Variants in WDR17 observed in about 807,000 individuals in gnomAD.
WDR17 encodes WD repeat domain 17.
In WDR17, 143 loss-of-function variants were observed where a neutral mutation model predicts 161.7. The observed-to-expected ratio is 0.88, with a 90% CI of 0.77 to 1.02. WDR17 has a LOEUF of 1.02. WDR17 is among the 50% of genes least tolerant of loss of function. The probability of loss-of-function intolerance (pLI) is 0.00; values close to 1 mark genes in which losing one functional copy is unlikely to be tolerated. For synonymous variants in WDR17, 517 were observed against 515.6 expected (o/e 1.00, Z -0.04); for missense variants, 1,469 against 1,520.9 (o/e 0.97, Z 0.57).
chr4:176,150,423 G>A (rs1226373395), intron 15 of WDR17, 45 bp from the exon 16 acceptor site: 9 of 1,566,070 alleles, frequency 5.7e-6, no homozygotes, highest in Non-Finnish European at 6.9e-6. Context: ...ATATTATGAG[G>A]TTTTTAATTC....
Position 176,181,895 on chromosome 4 carries a change from C to T in WDR17, c.*2316C>T, listed in dbSNP as rs941947320. ...TAGCCACCCAATTTCTGTCTGAAAT[C>T]TAAATTGGATGGATTTGACCATCAT... On this transcript the variant is annotated 3_prime_UTR_variant, in exon 29 of 29. Coordinates refer to ENST00000508596, the MANE Select transcript of WDR17 (RefSeq NM_181265.4). 6.6e-6 allele frequency: 1 copy of T among 152,052 alleles called. No homozygotes were observed. Among genetic ancestry groups the T allele is most frequent in the Admixed American group, 6.6e-5 (1 of 15,262 alleles). The allele number at this position is 152,052 out of a possible 1,614,324, so 9.4% of individuals were successfully genotyped here.
intron 1 of WDR17, among the ~76,000 whole-genome samples, chr4:176,079,658 A>AT (rs2126586167): frequency 6.6e-6 from 1 of 152,168 alleles, no homozygotes; most frequent in South Asian, 2.1e-4. Flanking sequence ...GTCTTCATAC[A>AT]TTTTCTGGTG....
intron 1 of WDR17, chr4:176,111,158 G>GA (rs1211101317): frequency 6.6e-6 from 1 of 152,456 alleles, no homozygotes; most frequent in African/African-American, 2.4e-5. Context: ...TGCCAGTATT[G>GA]AAAAATGGAT....
chr4:176,105,033 G>A (rs1016641724), intron 1 of WDR17, among the ~76,000 whole-genome samples: 3 of 151,432 alleles, frequency 2.0e-5, no homozygotes, highest in Non-Finnish European at 4.4e-5. Flanking sequence ...GTAAAAGGAT[G>A]AAAAAAATTT....
intron 22 of WDR17, among the ~76,000 whole-genome samples, chr4:176,166,694 T>A (rs1173643937): frequency 2.0e-5 from 3 of 152,172 alleles, no homozygotes; most frequent in Admixed American, 6.5e-5. Context: ...AAACAAATGA[T>A]AATTTCTATA....
chr4:176,138,590 A>G (rs750982000), intron 9 of WDR17, among the ~76,000 whole-genome samples: 1 of 151,854 alleles, frequency 6.6e-6, no homozygotes, highest in Non-Finnish European at 1.5e-5. Context: ...ACAACAATTT[A>G]TTCCATAATA....
intron 4 of WDR17, among the ~76,000 whole-genome samples, chr4:176,123,710 C>T (rs1312576440): frequency 1.3e-5 from 2 of 152,214 alleles, no homozygotes; most frequent in African/African-American, 2.4e-5. Context: ...GTGTGCTCAG[C>T]TCTCTGGAAA....
In WDR17 at chr4:176,151,900, C is replaced by T; in HGVS notation, c.2393C>T (p.Ala798Val). The part of the protein sequence containing the change: ...VPAKEERLKE[A>V]AEIHLRLGQI... ...GCTAAAGAGGAAAGACTGAAGGAAG[C>T]TGCTGAAATCCACTTGAGATTAGGA... The change falls in exon 17 of 29, where the codon GCT (alanine) becomes GTT (valine). Residue 798 changes from alanine to valine, a missense_variant. Coordinates refer to ENST00000508596, the MANE Select transcript of WDR17 (RefSeq NM_181265.4). 6.2e-7 allele frequency: 1 copy of T among 1,613,360 alleles called. No homozygotes were observed. The highest frequency in any genetic ancestry group is 8.5e-7 in the Non-Finnish European group (1 of 1,179,766).
chr4:176,126,863 A>G (rs887556258), intron 5 of WDR17, among the ~76,000 whole-genome samples: 1 of 152,052 alleles, frequency 6.6e-6, no homozygotes, highest in African/African-American at 2.4e-5. Context: ...AGTGTCTGGC[A>G]TTTCTCCTGT....
At chr4:176,102,183 G>A (rs1023646103) in intron 1 of WDR17, among the ~76,000 whole-genome samples, 3 of 152,090 alleles carry the variant, frequency 2.0e-5, no homozygotes, top group African/African-American at 7.2e-5. Flanking sequence ...GAACAACCTG[G>A]TTTTAAAGTG....
intron 1 of WDR17, among the ~76,000 whole-genome samples, chr4:176,105,593 C>CT (rs1738584515): frequency 6.6e-6 from 1 of 152,044 alleles, no homozygotes; most frequent in South Asian, 2.1e-4. Context: ...ATTTGTGGAA[C>CT]TTAACACACT....
intron 1 of WDR17, among the ~76,000 whole-genome samples, chr4:176,085,816 C>G (rs188939931): frequency 5.9e-5 from 9 of 151,884 alleles, no homozygotes; most frequent in Middle Eastern, 3.4e-3. Context: ...GAATGATTTC[C>G]TTTTCTACAT....
chr4:176,164,644 C>T (rs1393631680), intron 22 of WDR17, among the ~76,000 whole-genome samples: 2 of 152,194 alleles, frequency 1.3e-5, no homozygotes, highest in Non-Finnish European at 2.9e-5. Context: ...ACCTGTACCA[C>T]TTTCTTATCT....
chr4:176,078,349 G>GT (rs1734321010), intron 1 of WDR17, among the ~76,000 whole-genome samples: 2 of 152,030 alleles, frequency 1.3e-5, no homozygotes, highest in Admixed American at 6.6e-5. Context: ...TCTAGTTCAG[G>GT]GACTGGAATT....
intron 11 of WDR17, among the ~76,000 whole-genome samples, chr4:176,143,993 T>G (rs944905101): frequency 1.0e-5 from 1 of 99,410 alleles, no homozygotes; most frequent in African/African-American, 3.2e-5. Context: ...CTTTTTCCTA[T>G]TTTATTAATC....
At chr4:176,107,430 A>G (rs1281044305) in intron 1 of WDR17, among the ~76,000 whole-genome samples, 1 of 148,064 alleles carries the variant, frequency 6.8e-6, no homozygotes, top group Non-Finnish European at 1.5e-5. Flanking sequence ...CCACTTCTGC[A>G]TATAAACCCT....
At chr4:176,130,337 T>C (rs1196358942) in intron 6 of WDR17, among the ~76,000 whole-genome samples, 1 of 152,208 alleles carries the variant, frequency 6.6e-6, no homozygotes, top group African/African-American at 2.4e-5. Context: ...ACCAAATGCC[T>C]CTTTTGTCAT....
At chr4:176,146,439 G>A (rs913816340) in intron 12 of WDR17, among the ~76,000 whole-genome samples, 1 of 152,124 alleles carries the variant, frequency 6.6e-6, no homozygotes, top group African/African-American at 2.4e-5. Flanking sequence ...AATTTAATAA[G>A]ATAAATAATT....
chr4:176,109,168 G>A (rs913444269), intron 1 of WDR17, among the ~76,000 whole-genome samples: 1 of 151,902 alleles, frequency 6.6e-6, no homozygotes, highest in Non-Finnish European at 1.5e-5. Context: ...TCAATATTTG[G>A]TTAAACAGAA....
Sources: gnomAD v4.1 joint callset for allele counts (sites outside exome capture counted in the v4.1 genomes callset) on GRCh38, gnomAD v4.1.1 for gene constraint, MANE v1.5 for transcripts, NCBI Gene and HGNC (gene_info 2026-07-23, HGNC 2026-07-21) for gene names.